The following SEC14L1 variants were observed in gnomAD, a reference collection of about 807,000 sequenced individuals.
The protein encoded by SEC14L1 is SEC14 like lipid binding 1, also known as SEC14-like protein 1.
In SEC14L1, 48 loss-of-function variants were observed where a neutral mutation model predicts 85.3. That is an observed-to-expected ratio of 0.56 (90% CI 0.45 to 0.72). The LOEUF is 0.72. SEC14L1 is among the 30% of genes least tolerant of loss of function. The pLI is 0.00. For synonymous variants in SEC14L1, 391 were observed against 355.5 expected (o/e 1.10, Z -1.12); for missense variants, 682 against 921.4 (o/e 0.74, Z 3.36).
In SEC14L1 at chr17:77,206,316, G is replaced by A. The variant is rs751154666; in HGVS notation, c.1257G>A (p.Glu419=). 3.7e-6 allele frequency: 6 copies of A among 1,614,034 alleles called. No individual in the cohort carries two copies. In the South Asian group the frequency reaches 4.4e-5, roughly 12 times the overall value. The change falls in exon 12 of 17, where the codon GAG becomes GAA. Residue 419 remains glutamate (E), a synonymous_variant. Transcript: ENST00000436233. This position sits in a 1 kb window ranked among gnomAD's most constrained non-coding sequence, Gnocchi z 4.3. ...TGAAAGCGCTGCTGCGGATCATCGAGGTGGTGGAGGCCAACTACCCTGAGA... is the reference window on the plus strand; with the variant it reads ...TGAAAGCGCTGCTGCGGATCATCGAAGTGGTGGAGGCCAACTACCCTGAGA... The part of the protein sequence containing the change: ...PGVKALLRII[E]VVEANYPETL...
intron 3 of SEC14L1, among the ~76,000 whole-genome samples, chr17:77,154,291 C>T (rs939213200): frequency 6.6e-6 from 1 of 151,932 alleles, no homozygotes; most frequent in African/African-American, 2.4e-5. Context: ...GGCAACTTAG[C>T]GAGACTCTGT....
rs1236925952 is a variant in SEC14L1, at chr17:77,091,661, G to T, written c.-239-1583G>T. 3.9e-5 allele frequency among the ~76,000 whole-genome samples: 6 copies of T among 152,302 alleles called. No homozygotes were observed. In the South Asian group the frequency reaches 1.2e-3, roughly 32 times the overall value. On this transcript the variant is annotated intron_variant, in intron 2 of 19. Coordinates refer to the SEC14L1 transcript ENST00000392476. ...GGTCTACAGTGCATTAGAGGGAGCA[G>T]TGCCACCTTTCCGGGAGTCGTGGCA...
intron 3 of SEC14L1, among the ~76,000 whole-genome samples, chr17:77,189,623 AG>A (rs1256757362): frequency 4.0e-5 from 6 of 149,860 alleles, no homozygotes; most frequent in African/African-American, 1.2e-4. Context: ...TTCTCTTAAC[AG>A]GGGTTTTGTT....
chr17:77,212,926 G>A (rs1311637197), intron 15 of SEC14L1, among the ~76,000 whole-genome samples: 1 of 152,198 alleles, frequency 6.6e-6, no homozygotes, highest in Non-Finnish European at 1.5e-5. Context: ...CTTCAGCCCC[G>A]AACATGCTGG....
At chr17:77,118,767 T>G (rs1972234367) in intron 3 of SEC14L1, among the ~76,000 whole-genome samples, 1 of 152,252 alleles carries the variant, frequency 6.6e-6, no homozygotes, top group Non-Finnish European at 1.5e-5. Flanking sequence ...TAGAAGCTGC[T>G]GTCAATCACC....
At chr17:77,133,282 G>A (rs529069249) in intron 3 of SEC14L1, among the ~76,000 whole-genome samples, 51 of 152,326 alleles carry the variant, frequency 3.3e-4, no homozygotes, top group Non-Finnish European at 6.8e-4. Context: ...TAAGAGCAAT[G>A]GAGAAGATAT....
Position 77,143,593 on chromosome 17 carries a change from A to C in SEC14L1, c.-4A>C, listed in dbSNP as rs1156419674. ...TGTGAGAGGGTTGCTGTTGTATTGCAATCATGGTGCAGAAATACCAGTCCC... is the reference window on the plus strand; with the variant it reads ...TGTGAGAGGGTTGCTGTTGTATTGCCATCATGGTGCAGAAATACCAGTCCC... On this transcript the variant is annotated 5_prime_UTR_variant, in exon 3 of 17. Coordinates refer to ENST00000436233, the MANE Select transcript of SEC14L1 (RefSeq NM_001143998.2). 1 of 1,612,958 alleles carries C rather than the reference A, an allele frequency of 6.2e-7. No individual in the cohort carries two copies. Among genetic ancestry groups the C allele is most frequent in the Admixed American group, 1.7e-5 (1 of 59,944 alleles).
At chr17:77,143,699 T>C (rs766198434) in intron 3 of SEC14L1, 40 bp downstream of exon 3, 4 of 1,404,606 alleles carry the variant, frequency 2.8e-6, no homozygotes, top group South Asian at 2.3e-5. Context: ...TGGCTTCTTA[T>C]TTATAAAGTA....
chr17:77,145,757 C>T (rs2143534046), intron 3 of SEC14L1, among the ~76,000 whole-genome samples: 1 of 152,190 alleles, frequency 6.6e-6, no homozygotes, highest in Non-Finnish European at 1.5e-5. Flanking sequence ...AGCTCCAGAG[C>T]CTGGTAGTGG....
chr17:77,205,166 A>C, intron 10 of SEC14L1, 110 bp from the exon 11 acceptor site: 2 of 902,460 alleles, frequency 2.2e-6, no homozygotes, highest in Non-Finnish European at 3.5e-6. Context: ...GACTTTTTTG[A>C]TTTACATGCT....
intron 3 of SEC14L1, among the ~76,000 whole-genome samples, chr17:77,167,166 GAGAC>G (rs1339546882): frequency 1.0e-4 from 6 of 58,630 alleles, no homozygotes; most frequent in African/African-American, 3.9e-4. Context: ...TTTTTTTTTT[GAGAC>G]AGTTTCCCAG....
chr17:77,148,385 G>A (rs1288314149), intron 3 of SEC14L1, among the ~76,000 whole-genome samples: 1 of 152,106 alleles, frequency 6.6e-6, no homozygotes, highest in Non-Finnish European at 1.5e-5. Context: ...GTGACCAGTG[G>A]GAACACACGA....
chr17:77,209,999 C>T (rs540362980), intron 14 of SEC14L1: 8 of 152,392 alleles, frequency 5.2e-5, no homozygotes, highest in South Asian at 2.0e-4. Context: ...CCCGCCACCA[C>T]GCCTGGCTAA....
chr17:77,095,900 C>T (rs1289839427), intron 3 of SEC14L1, among the ~76,000 whole-genome samples: 1 of 152,086 alleles, frequency 6.6e-6, no homozygotes, highest in Non-Finnish European at 1.5e-5. Flanking sequence ...GCTCCTCCTA[C>T]ACAGGACTGG....
chr17:77,163,073 G>A (rs1416954517), intron 3 of SEC14L1, among the ~76,000 whole-genome samples: 1 of 152,148 alleles, frequency 6.6e-6, no homozygotes, highest in Admixed American at 6.5e-5. Flanking sequence ...TCTGCCTCCT[G>A]GACTCTTGTT....
At chr17:77,155,116 C>G (rs1323796400) in intron 3 of SEC14L1, among the ~76,000 whole-genome samples, 1 of 152,220 alleles carries the variant, frequency 6.6e-6, no homozygotes, top group African/African-American at 2.4e-5. Context: ...CCATTTAAAC[C>G]TGTGGCTTCA....
chr17:77,155,887 C>G (rs968948819), intron 3 of SEC14L1, among the ~76,000 whole-genome samples: 2 of 152,136 alleles, frequency 1.3e-5, no homozygotes, highest in African/African-American at 2.4e-5. Context: ...GTCCACGTAC[C>G]TCATCTTTAA....
chr17:77,153,750 CTT>C (rs1247989554), intron 3 of SEC14L1, among the ~76,000 whole-genome samples: 1 of 152,056 alleles, frequency 6.6e-6, no homozygotes, highest in East Asian at 1.9e-4. Context: ...TCTGTTGTCT[CTT>C]TTATTAGAGC....
intron 3 of SEC14L1, among the ~76,000 whole-genome samples, chr17:77,177,084 ATTGT>A (rs1974788709): frequency 6.6e-6 from 1 of 152,066 alleles, no homozygotes; most frequent in Non-Finnish European, 1.5e-5. Context: ...TGCTTTTTAA[ATTGT>A]TTGGACATAG....
Sources: allele counts gnomAD v4.1 joint callset (sites outside exome capture counted in the v4.1 genomes callset), GRCh38; gene constraint gnomAD v4.1.1; non-coding constraint Gnocchi (gnomAD v3.1); transcripts MANE v1.5; gene names NCBI Gene and HGNC (gene_info 2026-07-23, HGNC 2026-07-21).